FLNB: variants seen among roughly 807,000 people sequenced by gnomAD.
FLNB encodes filamin B, also known as filamin-B.
Under a neutral mutation model 250.6 loss-of-function variants are expected in FLNB, and 111 were observed. The ratio of observed to expected loss-of-function variants is 0.44; its 90% CI spans 0.38 to 0.52. The LOEUF (loss-of-function observed/expected upper bound fraction) is 0.52, where lower values mean the gene tolerates loss of function less well. FLNB is among the 20% of genes least tolerant of loss of function. FLNB has a pLI of 0.00. For synonymous variants in FLNB, 1,302 were observed against 1,372.1 expected (o/e 0.95, Z 1.13); for missense variants, 2,869 against 3,447.8 (o/e 0.83, Z 4.20).
intron 1 of FLNB, among the ~76,000 whole-genome samples, chr3:58,063,482 A>G (rs936760523): frequency 6.6e-6 from 1 of 152,158 alleles, no homozygotes; most frequent in Non-Finnish European, 1.5e-5. Context: ...TGAGCTAAAG[A>G]CAGGGCACAG....
At chr3:58,167,840 C>T (rs527938640) in intron 43 of FLNB, among the ~76,000 whole-genome samples, 5 of 152,348 alleles carry the variant, frequency 3.3e-5, no homozygotes, top group Admixed American at 2.0e-4. Flanking sequence ...GACCTGGAGC[C>T]GGAGTGGGGT....
Position 58,121,345 on chromosome 3 carries a change from C to T in FLNB, c.2968C>T (p.Pro990Ser), listed in dbSNP as rs747564760. 2 of 1,614,036 alleles carry T rather than the reference C, an allele frequency of 1.2e-6. No individual in the cohort carries two copies. Among genetic ancestry groups the T allele is most frequent in the African/African-American group, 2.7e-5 (2 of 74,912 alleles). ...TILSPSRKVV[P>S]CLVTPVTGRE... Reference sequence around the variant, plus strand: ...CCTCAGCCCCTCTCGGAAGGTCGTGCCATGCCTAGTGACACCTGTGACAGG... The same window carrying T: ...CCTCAGCCCCTCTCGGAAGGTCGTGTCATGCCTAGTGACACCTGTGACAGG... The change falls in exon 20 of 46, where the codon CCA (proline) becomes TCA (serine). Residue 990 changes from proline to serine, a missense_variant. Pro to Ser is a moderately conservative substitution (Grantham distance 74). Coordinates refer to ENST00000295956, the MANE Select transcript of FLNB (RefSeq NM_001457.4).
intron 42 of FLNB, among the ~76,000 whole-genome samples, chr3:58,162,089 T>C (rs1362039992): frequency 2.0e-5 from 3 of 152,038 alleles, no homozygotes; most frequent in African/African-American, 4.8e-5. Context: ...CACATTGGCT[T>C]TAAGGGAGGC....
chr3:58,067,950 G>T (rs1329488992), intron 1 of FLNB, among the ~76,000 whole-genome samples: 1 of 152,170 alleles, frequency 6.6e-6, no homozygotes, highest in African/African-American at 2.4e-5. Flanking sequence ...TCGGTCTTCA[G>T]GTTGGCAGGG....
At chr3:58,163,758 A>G (rs138768451) in intron 43 of FLNB, 58 of 210,708 alleles carry the variant, frequency 2.8e-4, no homozygotes, top group African/African-American at 1.2e-3. Context: ...TGAAGCAGCA[A>G]TAAGACCTGT....
At position 58,113,549 on chromosome 3, in the gene FLNB, C is replaced by G. The variant is rs1404362675; in HGVS notation, c.2745+1231C>G. ...GGCTGCACTCCCTTGGAGATGGAAT[C>G]CTTACTGTGAGAACATCCCTGCAGT... On this transcript the variant is annotated intron_variant, in intron 18 of 45. Coordinates refer to ENST00000295956, the MANE Select transcript of FLNB (RefSeq NM_001457.4). Among the ~76,000 whole-genome samples, 3 of 152,176 alleles carry G rather than the reference C, an allele frequency of 2.0e-5. No homozygotes were observed. In the East Asian group the frequency reaches 5.8e-4, roughly 29 times the overall value.
chr3:58,126,607 C>A lies in FLNB; in HGVS notation c.4067C>A (p.Ala1356Glu). The change falls in exon 24 of 46, where the codon GCA becomes GAA. Residue 1356 changes from alanine (A) to glutamate (E), a missense_variant. By Grantham distance (107) the Ala-to-Glu change is moderately radical. Coordinates refer to ENST00000295956, the MANE Select transcript of FLNB (RefSeq NM_001457.4). ...TTCTTTTCCACTCTTTCCAGAGGCG[C>A]AGGAATTGGTGGGCTTGGCATAACT... ...PNVFTVVTRG[A>E]GIGGLGITVE... The A allele has an allele frequency of 6.2e-7, 1 of 1,613,940 alleles. No individual in the cohort carries two copies. The highest frequency in any genetic ancestry group is 8.5e-7 in the Non-Finnish European group (1 of 1,179,924).
At chr3:58,120,951 A>T (rs530560481) in intron 19 of FLNB, among the ~76,000 whole-genome samples, 1 of 152,376 alleles carries the variant, frequency 6.6e-6, no homozygotes, top group East Asian at 1.9e-4. Context: ...GATTGTGGTG[A>T]AAATTAAGAC....
chr3:58,014,504 C>T (rs866350880), intron 1 of FLNB, among the ~76,000 whole-genome samples: 10 of 152,330 alleles, frequency 6.6e-5, no homozygotes, highest in Admixed American at 3.3e-4. Flanking sequence ...AGTCGGCAGC[C>T]GCCTTCGTTC....
At chr3:58,120,177 G>C (rs1193824807) in intron 19 of FLNB, among the ~76,000 whole-genome samples, 1 of 152,242 alleles carries the variant, frequency 6.6e-6, no homozygotes, top group Non-Finnish European at 1.5e-5. Flanking sequence ...CCAGCTCCCA[G>C]TTGCAGAGAT....
Position 58,170,402 on chromosome 3 carries a change from C to T in FLNB, c.7622-173C>T, listed in dbSNP as rs900764170. On this transcript the variant is annotated intron_variant, in intron 45 of 45. Coordinates refer to ENST00000295956, the MANE Select transcript of FLNB (RefSeq NM_001457.4). ...GGTAGCAAGTGGCAGGGCAGGGATT[C>T]GAACCCACACCGTCAGGCTCTATGA... 120 of 642,242 alleles carry T rather than the reference C, an allele frequency of 1.9e-4. 5 individuals are homozygous for T. Among genetic ancestry groups the T allele is most frequent in the South Asian group, 1.7e-3 (94 of 54,638 alleles). 39.8% of individuals were successfully genotyped at this position (642,242 alleles called of 1,614,324 possible).
intron 1 of FLNB, among the ~76,000 whole-genome samples, chr3:58,064,746 C>T (rs1468956051): frequency 3.3e-5 from 5 of 152,008 alleles, no homozygotes; most frequent in Non-Finnish European, 5.9e-5. Flanking sequence ...GGTGCAGTGG[C>T]TCATGCCTGT....
At chr3:58,082,026 A>T (rs957605807) in intron 4 of FLNB, among the ~76,000 whole-genome samples, 5 of 152,134 alleles carry the variant, frequency 3.3e-5, no homozygotes, top group African/African-American at 1.2e-4. Context: ...GCAGTAGCCC[A>T]TTGCTCCCAT....
At chr3:58,078,594 C>G (rs755487971) in intron 2 of FLNB, 123 bp from the exon 3 acceptor site, 14 of 1,519,504 alleles carry the variant, frequency 9.2e-6, no homozygotes, top group African/African-American at 1.4e-5. Flanking sequence ...ATGATTTGCT[C>G]AGATTTTAGG....
rs35327008 is a variant in FLNB, at chr3:58,122,816, G to T, written c.3127-277G>T. Among the ~76,000 whole-genome samples the T allele has an allele frequency of 0.019, 2,866 of 152,270 alleles. 37 individuals carry two copies. The highest frequency in any genetic ancestry group is 0.031 in the Middle Eastern group (9 of 294). The stretch of plus-strand genomic sequence containing the variant: ...CAAGTCCAGGCCTGTGATTTAGAAG[G>T]GTCAGGTTGGGTAGGAGAGAGGAGA... On this transcript the variant is annotated intron_variant, in intron 20 of 45. Transcript: ENST00000295956.
At chr3:58,155,355 A>G (rs1334655949) in intron 40 of FLNB, among the ~76,000 whole-genome samples, 1 of 152,274 alleles carries the variant, frequency 6.6e-6, no homozygotes, top group Non-Finnish European at 1.5e-5. Context: ...GTTTTAAAGC[A>G]CATAAAATGA....
intron 12 of FLNB, among the ~76,000 whole-genome samples, chr3:58,107,731 T>A (rs182579008): frequency 3.9e-5 from 6 of 152,364 alleles, no homozygotes; most frequent in Admixed American, 3.3e-4. Flanking sequence ...TGAGCCAGCC[T>A]GGCTGACAGG....
At chr3:58,147,140 G>T (rs1444087599) in intron 34 of FLNB, 147 bp downstream of exon 34, 10 of 768,600 alleles carry the variant, frequency 1.3e-5, no homozygotes, top group Middle Eastern at 3.8e-4. Flanking sequence ...GCAGGGGATG[G>T]AATGCAATTT....
rs753838032 is a variant in FLNB at position 58,110,091 on chromosome 3, A to G, written c.2405A>G (p.Asn802Ser). 1 of 1,614,144 alleles carries G rather than the reference A, an allele frequency of 6.2e-7. No homozygotes were observed. The highest frequency in any genetic ancestry group is 8.5e-7 in the Non-Finnish European group (1 of 1,180,024). The change falls in exon 16 of 46, where the codon AAT (asparagine) becomes AGT (serine). Residue 802 changes from asparagine (N) to serine (S), a missense_variant. Asn to Ser is a conservative substitution (Grantham distance 46). Transcript: ENST00000295956. Reference protein sequence around the residue: ...EEDVDFDIIHNANDTFTVKYV... With the variant: ...EEDVDFDIIHSANDTFTVKYV... ...GACGTGGATTTTGACATTATTCACA[A>G]TGCCAATGATACGTTCACAGTCAAA...
Sources: gnomAD v4.1 joint callset for allele counts (sites outside exome capture counted in the v4.1 genomes callset) on GRCh38, gnomAD v4.1.1 for gene constraint, MANE v1.5 for transcripts, NCBI Gene and HGNC (gene_info 2026-07-23, HGNC 2026-07-21) for gene names.